SLC18A1: variants seen among roughly 807,000 people sequenced by gnomAD.
SLC18A1 encodes the protein chromaffin granule amine transporter.
SLC18A1 carries 69 observed loss-of-function variants against 53.7 expected under a neutral mutation model. The observed-to-expected ratio is 1.28, with a 90% CI of 1.06 to 1.57. SLC18A1 has a LOEUF of 1.57. Among genes scored for constraint, SLC18A1 ranks in the 40% most tolerant of loss-of-function variants. The probability of loss-of-function intolerance (pLI) is 0.00; values close to 1 mark genes in which losing one functional copy is unlikely to be tolerated. For synonymous variants in SLC18A1, 320 were observed against 248.1 expected (o/e 1.29, Z -2.72); for missense variants, 932 against 668.1 (o/e 1.40, Z -4.35).
chr8:20,150,041 C>G (rs568140407), intron 11 of SLC18A1, among the ~76,000 whole-genome samples: 1 of 152,320 alleles, frequency 6.6e-6, no homozygotes, highest in East Asian at 1.9e-4. Context: ...TCAAACTTAA[C>G]TCATGCTGTT....
intron 11 of SLC18A1, 122 bp downstream of exon 11, chr8:20,150,544 A>G (rs2071524490): frequency 2.3e-6 from 2 of 854,108 alleles, no homozygotes; most frequent in East Asian, 4.9e-5. Flanking sequence ...GGAAGTTTTT[A>G]TCGGTGTGTA....
At position 20,178,027 on chromosome 8, in the gene SLC18A1, G is replaced by C. The variant is rs568788378; in HGVS notation, c.547+408C>G. On this transcript the variant is annotated intron_variant, in intron 4 of 15. Coordinates refer to ENST00000276373, the MANE Select transcript of SLC18A1 (RefSeq NM_003053.4). The stretch of plus-strand genomic sequence containing the variant: ...TTGTCCAATTTCCATTTTTTTGTGA[G>C]TTGCCCTTTTCCATGGCATAACAAA... Among the ~76,000 whole-genome samples, 3 of 152,014 alleles carry C rather than the reference G, an allele frequency of 2.0e-5. No homozygotes were observed. In the East Asian group the frequency reaches 5.8e-4, roughly 29 times the overall value.
intron 8 of SLC18A1, 25 bp from the exon 9 acceptor site, chr8:20,165,132 G>A (rs2128874536): frequency 1.2e-6 from 2 of 1,603,686 alleles, no homozygotes; most frequent in Non-Finnish European, 1.7e-6. Context: ...AACAAAAAAT[G>A]TCCATTTGTA....
In SLC18A1 at chr8:20,148,342, G is replaced by A. The variant is rs183998213; in HGVS notation, c.1147-272C>T. On this transcript the variant is annotated intron_variant, in intron 12 of 15. Transcript: ENST00000276373. ...AGATCAAGTTTGGACCTCAGACTTG[G>A]CTCCATTATGCTCTAACGAGGGTCT... is the stretch of plus-strand genomic sequence containing the variant. The A allele has an allele frequency of 8.5e-4, 613 of 725,168 alleles. 5 individuals carry two copies. In the Middle Eastern group the frequency reaches 0.01, roughly 12 times the overall value. 44.9% of individuals were successfully genotyped at this position (725,168 alleles called of 1,614,324 possible).
intron 12 of SLC18A1, 97 bp from the exon 13 acceptor site, chr8:20,148,167 G>GCATTGAC: frequency 9.6e-7 from 1 of 1,041,664 alleles, no homozygotes; most frequent in Non-Finnish European, 1.5e-6. Flanking sequence ...TATTCAGAGT[G>GCATTGAC]CACTATTGGC....
At chr8:20,161,075 C>T (rs200261020) in intron 10 of SLC18A1, among the ~76,000 whole-genome samples, 3 of 152,174 alleles carry the variant, frequency 2.0e-5, no homozygotes, top group Non-Finnish European at 4.4e-5. Context: ...ATTCTACCCC[C>T]GGCCTCCAAA....
At position 20,146,137 on chromosome 8, in the gene SLC18A1, G is replaced by T. The variant is rs377159517; in HGVS notation, c.1465-261C>A. On this transcript the variant is annotated intron_variant, in intron 15 of 15. Transcript: ENST00000276373. ...TCACCATGTTAGCCAGAATGGTCTC[G>T]ATCTCCTGACCTCGTGATGCGCCCG... Among the ~76,000 whole-genome samples the T allele has an allele frequency of 7.2e-5, 11 of 152,132 alleles. No homozygotes were observed. In the South Asian group the frequency reaches 2.1e-3, roughly 29 times the overall value.
intron 8 of SLC18A1, among the ~76,000 whole-genome samples, chr8:20,165,557 G>C (rs1355054656): frequency 1.3e-5 from 2 of 152,130 alleles, no homozygotes; most frequent in South Asian, 2.1e-4. Context: ...AGCCTCTCAA[G>C]CTTTCTGAAT....
At chr8:20,155,418 C>T (rs2071658441) in intron 10 of SLC18A1, among the ~76,000 whole-genome samples, 1 of 152,146 alleles carries the variant, frequency 6.6e-6, no homozygotes, top group Non-Finnish European at 1.5e-5. Context: ...AACACCCAAT[C>T]CTTCTAGGAT....
At chr8:20,167,604 T>C (rs1344643035) in intron 8 of SLC18A1, among the ~76,000 whole-genome samples, 1 of 151,820 alleles carries the variant, frequency 6.6e-6, no homozygotes, top group African/African-American at 2.4e-5. Context: ...TGAGTCCCCA[T>C]AGTTTTTTGT....
chr8:20,172,108 A>G (rs2072137881), intron 6 of SLC18A1, among the ~76,000 whole-genome samples: 1 of 152,212 alleles, frequency 6.6e-6, no homozygotes, highest in Admixed American at 6.5e-5. Context: ...TTCAGGCAGC[A>G]TCGTGGTGGA....
At chr8:20,169,748 G>A (rs1318143206) in intron 8 of SLC18A1, among the ~76,000 whole-genome samples, 1 of 152,052 alleles carries the variant, frequency 6.6e-6, no homozygotes, top group African/African-American at 2.4e-5. Flanking sequence ...GCATGGTGGT[G>A]CGTGCTTGTA....
Position 20,150,654 on chromosome 8 carries a change from G to A in SLC18A1, c.1094+12C>T, listed in dbSNP as rs370257687. The A allele has an allele frequency of 6.9e-5, 112 of 1,612,120 alleles. No homozygotes were observed. The highest frequency in any genetic ancestry group is 8.6e-5 in the Non-Finnish European group (101 of 1,178,350). ...ATTTCTACTGTTCGTCCCAGATCCCGAGGCTACATACCGACCCATCTTGTT... is the reference window on the plus strand; with the variant it reads ...ATTTCTACTGTTCGTCCCAGATCCCAAGGCTACATACCGACCCATCTTGTT... On this transcript the variant is annotated intron_variant, in intron 11 of 15. Transcript: ENST00000276373.
At position 20,147,165 on chromosome 8, in the gene SLC18A1, G is replaced by A. The variant is rs2071421288; in HGVS notation, c.1464+93C>T. On this transcript the variant is annotated intron_variant, in intron 15 of 15. Coordinates refer to ENST00000276373, the MANE Select transcript of SLC18A1 (RefSeq NM_003053.4). ...GAGAGAGTATCAACAGAGCAATAGAGGGAGGAAATAACAGCCCAGGATGAA... is the reference window on the plus strand; with the variant it reads ...GAGAGAGTATCAACAGAGCAATAGAAGGAGGAAATAACAGCCCAGGATGAA... The A allele has an allele frequency of 9.6e-6, 13 of 1,355,344 alleles. No homozygotes were observed. In the East Asian group the frequency reaches 2.8e-4, roughly 29 times the overall value. The allele number at this position is 1,355,344 out of a possible 1,614,324, so 84.0% of individuals were successfully genotyped here. A position where few individuals can be genotyped will look rare whatever the true frequency, so the allele number is the denominator to read the frequency against.
At chr8:20,180,107 A>AG (rs2072385322) in intron 2 of SLC18A1, among the ~76,000 whole-genome samples, 1 of 62,588 alleles carries the variant, frequency 1.6e-5, no homozygotes, top group Non-Finnish European at 3.2e-5. Context: ...TAAGATTATA[A>AG]TTGTGTGTGT....
intron 12 of SLC18A1, chr8:20,148,312 T>C (rs1298038564): frequency 1.0e-5 from 6 of 601,388 alleles, no homozygotes; most frequent in African/African-American, 3.8e-5. Flanking sequence ...ATCTAATGAG[T>C]GGCAAGATCA....
At position 20,171,442 on chromosome 8, in the gene SLC18A1, G is replaced by T. The variant is rs1211273037; in HGVS notation, c.777C>A (p.Pro259=). Residue 259 remains proline (P), a synonymous_variant, in exon 7 of 16, where the codon CCC becomes CCA. Coordinates refer to ENST00000276373, the MANE Select transcript of SLC18A1 (RefSeq NM_003053.4). ...GTGCCAGGAAGGCCAGGATGAGGAA[G>T]GGTGCAGACTTCCCAACAAACTCGT... ...VMYEFVGKSA[P]FLILAFLALL... The T allele has an allele frequency of 1.9e-6, 3 of 1,614,164 alleles. No homozygotes were observed.
chr8:20,147,248 T>A lies in SLC18A1; in HGVS notation c.1464+10A>T. The A allele has an allele frequency of 6.3e-7, 1 of 1,588,768 alleles. No homozygotes were observed. Among genetic ancestry groups the A allele is most frequent in the Non-Finnish European group, 8.5e-7 (1 of 1,171,936 alleles). ...AGTGAATTTCTCTTTTAACAGTCGG[T>A]GCTCCTTACAAGCTTCTCTTCCTTT... On this transcript the variant is annotated intron_variant, in intron 15 of 15. Coordinates refer to ENST00000276373, the MANE Select transcript of SLC18A1 (RefSeq NM_003053.4).
chr8:20,151,027 A>G, intron 10 of SLC18A1: 1 of 386,078 alleles, frequency 2.6e-6, no homozygotes, highest in East Asian at 5.2e-5. Context: ...GCTGGAGTGC[A>G]GTGGTACAAT....
Sources: gnomAD v4.1 joint callset for allele counts (sites outside exome capture counted in the v4.1 genomes callset) on GRCh38, gnomAD v4.1.1 for gene constraint, MANE v1.5 for transcripts, NCBI Gene and HGNC (gene_info 2026-07-23, HGNC 2026-07-21) for gene names.